ASTN2: variants seen among roughly 807,000 people sequenced by gnomAD.
ASTN2 encodes the protein astrotactin-2.
Under a neutral mutation model 139.8 loss-of-function variants are expected in ASTN2, and 54 were observed. The observed-to-expected ratio is 0.39, with a 90% CI of 0.31 to 0.48. ASTN2 has a LOEUF of 0.48. Among genes scored for constraint, ASTN2 ranks in the 20% least tolerant of loss-of-function variants. The pLI, the probability that ASTN2 is intolerant of heterozygous loss-of-function variation, is 0.95. For missense variants in ASTN2, 1,565 were observed against 1,725.1 expected, an observed-to-expected ratio of 0.91 and a Z score of 1.64; for synonymous variants, 756 against 719.5, an observed-to-expected ratio of 1.05 and a Z score of -0.81.
intron 19 of ASTN2, among the ~76,000 whole-genome samples, chr9:116,495,534 T>C (rs1849642241): frequency 6.6e-6 from 1 of 152,232 alleles, no homozygotes; most frequent in African/African-American, 2.4e-5. Flanking sequence ...GATCTACCCT[T>C]GGGTATTTCA....
chr9:116,624,330 C>T (rs1170595596), intron 17 of ASTN2, among the ~76,000 whole-genome samples: 3 of 152,158 alleles, frequency 2.0e-5, no homozygotes, highest in African/African-American at 7.2e-5. Context: ...ATTCACTGAA[C>T]TTCCTACTTC....
chr9:117,411,967 A>G (rs866789329), intron 1 of ASTN2, among the ~76,000 whole-genome samples: 1 of 149,188 alleles, frequency 6.7e-6, no homozygotes, highest in Non-Finnish European at 1.5e-5. Context: ...TCATAGTATC[A>G]GCCCCAACCC....
chr9:116,698,581 T>C lies in ASTN2; in HGVS notation c.2806+27190A>G. 1 of 1,613,956 alleles carries C rather than the reference T, an allele frequency of 6.2e-7. No homozygotes were observed. The highest frequency in any genetic ancestry group is 8.5e-7 in the Non-Finnish European group (1 of 1,179,966). ...GAGCTCACCCTGCAAGATGTGGAGCTCCTTAAGGTAGGTCATGTTGGCCCC... is the reference window on the plus strand; with the variant it reads ...GAGCTCACCCTGCAAGATGTGGAGCCCCTTAAGGTAGGTCATGTTGGCCCC... On this transcript the variant is annotated intron_variant, in intron 16 of 22. Transcript: ENST00000313400. The surrounding 1 kb of genome is among the most constrained non-coding windows in gnomAD (Gnocchi z 4.4).
At chr9:117,319,111 T>C (rs1828238714) in intron 1 of ASTN2, among the ~76,000 whole-genome samples, 1 of 152,204 alleles carries the variant, frequency 6.6e-6, no homozygotes, top group African/African-American at 2.4e-5. Context: ...AAGTAATCAT[T>C]AAAGGCTGTG....
chr9:117,412,593 G>A (rs959461335), intron 1 of ASTN2, among the ~76,000 whole-genome samples: 1 of 152,126 alleles, frequency 6.6e-6, no homozygotes, highest in Admixed American at 6.5e-5. Context: ...CCATATCCTC[G>A]AAGACTTGAA....
chr9:116,722,853 TC>T (rs759661488), intron 16 of ASTN2, among the ~76,000 whole-genome samples: 45 of 152,168 alleles, frequency 3.0e-4, no homozygotes, highest in Non-Finnish European at 5.3e-4. Flanking sequence ...TCTAGTGACA[TC>T]TGTAATTCAC....
At chr9:117,409,402 G>A (rs538414330) in intron 1 of ASTN2, among the ~76,000 whole-genome samples, 5 of 152,266 alleles carry the variant, frequency 3.3e-5, no homozygotes, top group Admixed American at 1.3e-4. Flanking sequence ...GGTATACAAC[G>A]GTCTGCAAGG....
intron 1 of ASTN2, among the ~76,000 whole-genome samples, chr9:117,334,511 GAAT>G (rs1351794938): frequency 6.0e-5 from 9 of 150,096 alleles, no homozygotes; most frequent in Non-Finnish European, 8.9e-5. Context: ...ACGGTGGAGA[GAAT>G]AATGATAAGC....
chr9:117,186,272 C>T (rs7871938), intron 3 of ASTN2, among the ~76,000 whole-genome samples: 92,006 of 152,080 alleles, frequency 0.6, 28,713 homozygotes, highest in East Asian at 0.78. Flanking sequence ...CCTGGCCGGG[C>T]GCGGTGGCCC....
intron 19 of ASTN2, among the ~76,000 whole-genome samples, chr9:116,517,674 A>G (rs1850408777): frequency 6.6e-6 from 1 of 152,226 alleles, no homozygotes; most frequent in Admixed American, 6.5e-5. Flanking sequence ...AATTGCCAGA[A>G]AAAGAATTCA....
chr9:116,794,031 C>A (rs1830623023), intron 13 of ASTN2, among the ~76,000 whole-genome samples: 1 of 150,222 alleles, frequency 6.7e-6, no homozygotes, highest in Non-Finnish European at 1.5e-5. Context: ...AGCCACACAT[C>A]AAATACACTA....
rs372277811 is a variant in ASTN2 at position 117,048,963 on chromosome 9, C to CTTTTTTTTTTTTTTTTTTTT, written c.1277-8999_1277-8998insAAAAAAAAAAAAAAAAAAAA. Among the ~76,000 whole-genome samples the CTTTTTTTTTTTTTTTTTTTT allele has an allele frequency of 8.2e-4, 73 of 89,030 alleles. 15 individuals carry two copies. Among genetic ancestry groups the CTTTTTTTTTTTTTTTTTTTT allele is most frequent in the East Asian group, 2.2e-3 (6 of 2,786 alleles). The allele number at this position is 89,030 out of a possible 152,430, so 58.4% of individuals were successfully genotyped here. On this transcript the variant is annotated intron_variant, in intron 5 of 22. Transcript: ENST00000313400. ...GTGCGCTCTGATTCTTCATCCATTG[C>CTTTTTTTTTTTTTTTTTTTT]TTTTTTTTTTTTTTTTTGAGACGGA...
chr9:116,940,903 C>T (rs1219274005), intron 10 of ASTN2, among the ~76,000 whole-genome samples: 1 of 152,094 alleles, frequency 6.6e-6, no homozygotes, highest in African/African-American at 2.4e-5. Context: ...TTTCTACTGT[C>T]CCTGTTCTAT....
At chr9:117,141,186 A>C in intron 4 of ASTN2, 140 bp downstream of exon 4, 1 of 924,182 alleles carries the variant, frequency 1.1e-6, no homozygotes, top group Non-Finnish European at 1.5e-6. Context: ...TGCAGCCTCC[A>C]AGGGGATTTA....
intron 1 of ASTN2, among the ~76,000 whole-genome samples, chr9:117,361,774 C>T (rs1049534034): frequency 6.6e-6 from 1 of 152,144 alleles, no homozygotes; most frequent in Non-Finnish European, 1.5e-5. Flanking sequence ...GGACCCTTCT[C>T]ACTCCTCTAA....
intron 5 of ASTN2, among the ~76,000 whole-genome samples, chr9:117,057,775 A>AGTG (rs902574246): frequency 4.6e-5 from 7 of 152,184 alleles, no homozygotes; most frequent in African/African-American, 9.7e-5. Context: ...GGCAAGAAAA[A>AGTG]GTGCCATTGC....
chr9:116,809,653 G>A (rs1831114232), intron 12 of ASTN2, among the ~76,000 whole-genome samples: 1 of 152,126 alleles, frequency 6.6e-6, no homozygotes, highest in Admixed American at 6.5e-5. Context: ...GCATTGCTTT[G>A]AATTTGTAAA....
intron 3 of ASTN2, among the ~76,000 whole-genome samples, chr9:117,162,196 G>A (rs925633006): frequency 2.6e-5 from 4 of 152,028 alleles, no homozygotes; most frequent in African/African-American, 9.7e-5. Flanking sequence ...AACTTTTGAA[G>A]AGATGATTTA....
intron 16 of ASTN2, among the ~76,000 whole-genome samples, chr9:116,681,676 GAT>G (rs1323844083): frequency 1.3e-5 from 2 of 152,090 alleles, no homozygotes; most frequent in Admixed American, 1.3e-4. Flanking sequence ...CCAAAACAGA[GAT>G]ATAGATCAAT....
Sources: allele counts gnomAD v4.1 joint callset (sites outside exome capture counted in the v4.1 genomes callset), GRCh38; gene constraint gnomAD v4.1.1; non-coding constraint Gnocchi (gnomAD v3.1); transcripts MANE v1.5; gene names NCBI Gene and HGNC (gene_info 2026-07-23, HGNC 2026-07-21).